Variants in ADAMTSL1 observed in about 807,000 individuals in gnomAD.
The protein encoded by ADAMTSL1 is ADAMTS-like protein 1.
ADAMTSL1 carries 126 observed loss-of-function variants against 201.8 expected under a neutral mutation model. The observed-to-expected ratio is 0.62, with a 90% CI of 0.54 to 0.72. The LOEUF is 0.72. Among genes scored for constraint, ADAMTSL1 ranks in the 30% least tolerant of loss-of-function variants. The pLI, the probability that ADAMTSL1 is intolerant of heterozygous loss-of-function variation, is 0.00. For synonymous variants in ADAMTSL1, 1,121 were observed against 903.4 expected, an observed-to-expected ratio of 1.24 and a Z score of -4.32; for missense variants, 2,679 against 2,277.8, an observed-to-expected ratio of 1.18 and a Z score of -3.59.
intron 3 of ADAMTSL1, among the ~76,000 whole-genome samples, chr9:18,549,082 C>A: frequency 6.6e-6 from 1 of 151,508 alleles, no homozygotes. Context: ...TAGAATATTC[C>A]AGAAAGGAAA....
intron 4 of ADAMTSL1, among the ~76,000 whole-genome samples, chr9:18,587,418 A>T (rs1453593251): frequency 6.6e-6 from 1 of 152,080 alleles, no homozygotes; most frequent in Admixed American, 6.5e-5. Context: ...ATGGTATACA[A>T]GGTGTGAAGA....
At chr9:18,086,045 G>T (rs536777307) in intron 1 of ADAMTSL1, among the ~76,000 whole-genome samples, 2 of 152,054 alleles carry the variant, frequency 1.3e-5, no homozygotes, top group Non-Finnish European at 2.9e-5. Context: ...CAGGCCTTTT[G>T]CCCTCAGCAG....
At chr9:18,356,860 A>G (rs1836268391) in intron 2 of ADAMTSL1, among the ~76,000 whole-genome samples, 1 of 152,164 alleles carries the variant, frequency 6.6e-6, no homozygotes, top group Admixed American at 6.5e-5. Flanking sequence ...GAAGCAGAAA[A>G]CTTTTCACAT....
chr9:18,357,540 G>A (rs1836307210), intron 2 of ADAMTSL1, among the ~76,000 whole-genome samples: 1 of 152,094 alleles, frequency 6.6e-6, no homozygotes. Context: ...TGCAAGCAGA[G>A]ATTAGCTTAA....
intron 1 of ADAMTSL1, among the ~76,000 whole-genome samples, chr9:18,127,914 T>G (rs1017968307): frequency 6.6e-6 from 1 of 152,200 alleles, no homozygotes; most frequent in Non-Finnish European, 1.5e-5. Context: ...TAATGTGGCA[T>G]GTAGCATGTT....
intron 2 of ADAMTSL1, among the ~76,000 whole-genome samples, chr9:18,383,397 C>CATTTGCAAAAGG (rs1837644884): frequency 1.3e-5 from 2 of 152,054 alleles, no homozygotes; most frequent in Admixed American, 1.3e-4. Flanking sequence ...TAAGGCCTTT[C>CATTTGCAAAAGG]ATTTGCAAAA....
chr9:18,291,774 C>CATACACAT (rs1554651475), intron 2 of ADAMTSL1, among the ~76,000 whole-genome samples: 1 of 144,708 alleles, frequency 6.9e-6, no homozygotes, highest in Admixed American at 7.1e-5. Context: ...CACACACACA[C>CATACACAT]ACACATCCCT....
At chr9:18,575,811 C>G (rs1822679456) in intron 4 of ADAMTSL1, among the ~76,000 whole-genome samples, 1 of 152,292 alleles carries the variant, frequency 6.6e-6, no homozygotes, top group South Asian at 2.1e-4. Context: ...TCCACATCTC[C>G]TGAGATCCCA....
chr9:18,607,798 G>C (rs983894357), intron 4 of ADAMTSL1, among the ~76,000 whole-genome samples: 1 of 150,280 alleles, frequency 6.7e-6, no homozygotes, highest in Non-Finnish European at 1.5e-5. Context: ...TCATTGTTCA[G>C]TTCCCACCTA....
chr9:18,332,337 G>T (rs1018782232), intron 2 of ADAMTSL1, among the ~76,000 whole-genome samples: 2 of 152,170 alleles, frequency 1.3e-5, no homozygotes, highest in African/African-American at 2.4e-5. Flanking sequence ...AAGTAAAAAT[G>T]AGGATTCAGA....
At chr9:18,894,886 GGGAAAAAGA>G (rs932748538) in intron 26 of ADAMTSL1, among the ~76,000 whole-genome samples, 12 of 151,994 alleles carry the variant, frequency 7.9e-5, no homozygotes, top group East Asian at 3.9e-4. Flanking sequence ...ATTAAACTGG[GGGAAAAAGA>G]GGAAAAAGAT....
intron 2 of ADAMTSL1, among the ~76,000 whole-genome samples, chr9:18,168,290 A>C (rs542132113): frequency 9.9e-5 from 15 of 151,900 alleles, no homozygotes; most frequent in African/African-American, 2.9e-4. Flanking sequence ...CCAACCCCAC[A>C]AGGGTCCCTG....
At chr9:18,204,920 G>A (rs1829591042) in intron 2 of ADAMTSL1, among the ~76,000 whole-genome samples, 1 of 152,122 alleles carries the variant, frequency 6.6e-6, no homozygotes, top group Non-Finnish European at 1.5e-5. Flanking sequence ...GGCATTCGTA[G>A]GGAGTAATAC....
chr9:18,610,082 G>A (rs1250938248), intron 4 of ADAMTSL1, among the ~76,000 whole-genome samples: 1 of 152,058 alleles, frequency 6.6e-6, no homozygotes, highest in African/African-American at 2.4e-5. Context: ...AGTGGCCAGG[G>A]AAGTGAACAT....
chr9:18,645,696 T>G (rs1200492864), intron 7 of ADAMTSL1, among the ~76,000 whole-genome samples: 1 of 149,936 alleles, frequency 6.7e-6, no homozygotes, highest in African/African-American at 2.5e-5. Flanking sequence ...ATCAGATAGT[T>G]GTAGATATGC....
intron 2 of ADAMTSL1, among the ~76,000 whole-genome samples, chr9:18,184,727 A>G (rs1366157072): frequency 2.0e-5 from 3 of 152,244 alleles, no homozygotes; most frequent in African/African-American, 7.2e-5. Flanking sequence ...CATCTATAGA[A>G]GAAAAAAATA....
intron 1 of ADAMTSL1, among the ~76,000 whole-genome samples, chr9:17,999,778 C>T (rs2131526831): frequency 6.7e-6 from 1 of 149,818 alleles, no homozygotes. Context: ...CCACAGTCCC[C>T]AGAGTGTGAT....
intron 13 of ADAMTSL1, among the ~76,000 whole-genome samples, chr9:18,690,467 C>T (rs907944515): frequency 6.6e-6 from 1 of 152,084 alleles, no homozygotes; most frequent in African/African-American, 2.4e-5. Flanking sequence ...TATAAGGTAC[C>T]TGAATTATAT....
intron 1 of ADAMTSL1, among the ~76,000 whole-genome samples, chr9:18,011,623 G>T (rs573939633): frequency 6.6e-6 from 1 of 152,016 alleles, no homozygotes; most frequent in African/African-American, 2.4e-5. Flanking sequence ...GGACCCAGCC[G>T]TAGCTGTCAA....
Sources: gnomAD v4.1 joint callset for allele counts (sites outside exome capture counted in the v4.1 genomes callset) on GRCh38, gnomAD v4.1.1 for gene constraint, MANE v1.5 for transcripts, NCBI Gene and HGNC (gene_info 2026-07-23, HGNC 2026-07-21) for gene names.